Variants in POLR3E observed in about 807,000 individuals in gnomAD.
POLR3E encodes RNA polymerase III subunit E, also known as DNA-directed RNA polymerase III subunit RPC5.
Under a neutral mutation model 96.6 loss-of-function variants are expected in POLR3E, and 41 were observed. The observed-to-expected ratio is 0.42, with a 90% CI of 0.33 to 0.55. The LOEUF (loss-of-function observed/expected upper bound fraction) is 0.55. Ranked by LOEUF, POLR3E falls within the 20% of genes least tolerant of loss-of-function variation. The pLI, the probability that POLR3E is intolerant of heterozygous loss-of-function variation, is 0.06. For synonymous variants in POLR3E, 396 were observed against 383.6 expected (o/e 1.03, Z -0.38); for missense variants, 849 against 952.1 (o/e 0.89, Z 1.43).
intron 3 of POLR3E, 79 bp from the exon 4 acceptor site, chr16:22,308,069 A>G (rs2048171133): frequency 9.7e-7 from 1 of 1,030,700 alleles, no homozygotes; most frequent in Admixed American, 1.7e-5. Context: ...GCTTGGAGAT[A>G]GCTGTTGATT....
At chr16:22,317,676 T>TA (rs2048387969) in intron 12 of POLR3E, among the ~76,000 whole-genome samples, 1 of 151,592 alleles carries the variant, frequency 6.6e-6, no homozygotes, top group African/African-American at 2.4e-5. Context: ...TTTTTTTTTT[T>TA]AAGGTTTTTT....
At chr16:22,300,533 C>A (rs773293563) in intron 1 of POLR3E, among the ~76,000 whole-genome samples, 24 of 152,202 alleles carry the variant, frequency 1.6e-4, no homozygotes, top group Non-Finnish European at 3.5e-4. Flanking sequence ...CCTCCCAGGC[C>A]CCAGCCTCTC....
Position 22,308,183 on chromosome 16 carries a change from C to T in POLR3E, c.123C>T (p.Asp41=), listed in dbSNP as rs2048173813. The T allele has an allele frequency of 6.2e-7, 1 of 1,613,790 alleles. No homozygotes were observed. The highest frequency in any genetic ancestry group is 8.5e-7 in the Non-Finnish European group (1 of 1,179,754). The part of the protein sequence containing the change: ...PVRPASMTYD[D]IPHLSAKIKP... The stretch of plus-strand genomic sequence containing the variant: ...GTCCAGCCTCGATGACCTACGATGA[C>T]ATTCCGCACCTCTCAGCCAAGATCA... Residue 41 remains aspartate (D), a synonymous_variant, in exon 4 of 21, where the codon GAC becomes GAT. Transcript: ENST00000299853.
intron 6 of POLR3E, 77 bp downstream of exon 6, chr16:22,309,587 G>A (rs2048204430): frequency 9.7e-7 from 1 of 1,027,992 alleles, no homozygotes; most frequent in African/African-American, 1.6e-5. Flanking sequence ...TCCCCAGCCT[G>A]GTGTCCATCT....
At chr16:22,323,765 T>C (rs1399657483) in intron 14 of POLR3E, among the ~76,000 whole-genome samples, 1 of 152,112 alleles carries the variant, frequency 6.6e-6, no homozygotes, top group East Asian at 1.9e-4. Context: ...CCCGCTCCAG[T>C]GTGTAGACAC....
At chr16:22,304,669 G>T (rs2048098130) in intron 2 of POLR3E, among the ~76,000 whole-genome samples, 1 of 152,164 alleles carries the variant, frequency 6.6e-6, no homozygotes, top group Admixed American at 6.5e-5. Flanking sequence ...GTGGCGGGGT[G>T]GGGGTGGTTA....
intron 2 of POLR3E, 110 bp downstream of exon 2, chr16:22,303,114 A>G (rs2048061306): frequency 2.0e-6 from 2 of 1,017,532 alleles, no homozygotes; most frequent in Non-Finnish European, 1.6e-6. Flanking sequence ...GGGACCCCTA[A>G]CCCTTGCTGT....
At chr16:22,330,189 G>A (rs1217146520) in intron 19 of POLR3E, among the ~76,000 whole-genome samples, 3 of 151,970 alleles carry the variant, frequency 2.0e-5, no homozygotes, top group Middle Eastern at 3.4e-3. Context: ...TCAGCCACCC[G>A]GGTAGCTGGG....
chr16:22,310,622 T>TAAAAAAAAAAAA (rs60232148), intron 6 of POLR3E, among the ~76,000 whole-genome samples: 1 of 137,638 alleles, frequency 7.3e-6, no homozygotes. Flanking sequence ...TTAAAAAGTT[T>TAAAAAAAAAAAA]AAAAAAAAAA....
Position 22,318,517 on chromosome 16 carries a change from C to T in POLR3E, c.866-309C>T, listed in dbSNP as rs1350463728. ...ACTTCCTGGCTCTGCTACTTCCTAG[C>T]CAAGAGATCATGGGTGAGCTTTGAA... On this transcript the variant is annotated intron_variant, in intron 12 of 20. Coordinates refer to ENST00000299853, the MANE Select transcript of POLR3E (RefSeq NM_018119.4). The surrounding 1 kb of genome is among the most constrained non-coding windows in gnomAD (Gnocchi z 5.0). Among the ~76,000 whole-genome samples, 1 of 152,148 alleles carries T rather than the reference C, an allele frequency of 6.6e-6. No individual in the cohort carries two copies. The highest frequency in any genetic ancestry group is 1.5e-5 in the Non-Finnish European group (1 of 68,022).
At chr16:22,301,633 A>G (rs191194536) in intron 1 of POLR3E, among the ~76,000 whole-genome samples, 2 of 149,688 alleles carry the variant, frequency 1.3e-5, no homozygotes, top group African/African-American at 2.5e-5. Context: ...GACAAAAATC[A>G]TGCTGGTCTC....
At position 22,302,958 on chromosome 16, in the gene POLR3E, TCTC is replaced by T. The variant is rs1402100693; in HGVS notation, c.-7_-5del. On this transcript the variant is annotated 5_prime_UTR_variant, in exon 2 of 21. Transcript: ENST00000299853. The stretch of plus-strand genomic sequence containing the variant: ...CGAGCTGAAGGACTGCGCGGCTGGC[TCTC>T]CTCTAGTATGGCCAATGAAGAGGAT... The T allele has an allele frequency of 1.9e-6, 3 of 1,613,508 alleles. No individual in the cohort carries two copies. Among genetic ancestry groups the T allele is most frequent in the Middle Eastern group, 1.6e-4 (1 of 6,062 alleles).
intron 8 of POLR3E, 88 bp from the exon 9 acceptor site, chr16:22,315,001 G>A: frequency 7.0e-7 from 1 of 1,425,466 alleles, no homozygotes; most frequent in Non-Finnish European, 9.6e-7. Context: ...CCTATACGGA[G>A]TTCTCTGGTC....
intron 3 of POLR3E, among the ~76,000 whole-genome samples, chr16:22,306,666 A>T (rs1344970659): frequency 6.6e-6 from 1 of 152,248 alleles, no homozygotes; most frequent in East Asian, 1.9e-4. Flanking sequence ...GGCTATTATA[A>T]ATAATGCCAC....
chr16:22,317,638 T>TTGTTGTTGTTG (rs1567320844), intron 12 of POLR3E, among the ~76,000 whole-genome samples: 2 of 151,112 alleles, frequency 1.3e-5, no homozygotes, highest in African/African-American at 4.9e-5. Context: ...CTAGGGGCTT[T>TTGTTGTTGTTG]TTGTTGTTGT....
chr16:22,333,883 AAGTTAGTTAG>A lies in POLR3E; in HGVS notation c.*185_*194del, dbSNP rs996956439. 1 of 547,228 alleles carries A rather than the reference AAGTTAGTTAG, an allele frequency of 1.8e-6. No homozygotes were observed. Among genetic ancestry groups the A allele is most frequent in the African/African-American group, 1.9e-5 (1 of 53,344 alleles). The allele number at this position is 547,228 out of a possible 1,614,324, so 33.9% of individuals were successfully genotyped here. Reference sequence around the variant, plus strand: ...CCTCAGCCAGTCGCAGGGTCAGCTTAAGTTAGTTAGATCACTCCCAGAAGAGACCAGCTGG... The same window carrying A: ...CCTCAGCCAGTCGCAGGGTCAGCTTAATCACTCCCAGAAGAGACCAGCTGG... On this transcript the variant is annotated 3_prime_UTR_variant, in exon 21 of 21. Coordinates refer to ENST00000299853, the MANE Select transcript of POLR3E (RefSeq NM_018119.4).
In POLR3E at chr16:22,322,734, A is replaced by G; in HGVS notation, c.987-116A>G. On this transcript the variant is annotated intron_variant, in intron 13 of 20. Coordinates refer to ENST00000299853, the MANE Select transcript of POLR3E (RefSeq NM_018119.4). This position sits in a 1 kb window ranked among gnomAD's most constrained non-coding sequence, Gnocchi z 5.2. Reference sequence around the variant, plus strand: ...CTCCTAAGGGGAGGTCTTGGGGCTCAGGCCTGTACCCAGCCCACGGTGGAA... The same window carrying G: ...CTCCTAAGGGGAGGTCTTGGGGCTCGGGCCTGTACCCAGCCCACGGTGGAA... 1 of 679,752 alleles carries G rather than the reference A, an allele frequency of 1.5e-6. No individual in the cohort carries two copies. Among genetic ancestry groups the G allele is most frequent in the Non-Finnish European group, 2.6e-6 (1 of 386,264 alleles). The allele number at this position is 679,752 out of a possible 1,614,324, so 42.1% of individuals were successfully genotyped here.
chr16:22,331,932 G>C, intron 19 of POLR3E, 128 bp from the exon 20 acceptor site: 1 of 861,652 alleles, frequency 1.2e-6, no homozygotes. Flanking sequence ...TTTAACCAGA[G>C]GTGCTGCGTG....
chr16:22,325,264 C>T lies in POLR3E; in HGVS notation c.1346C>T (p.Ser449Leu). 1 of 1,612,952 alleles carries T rather than the reference C, an allele frequency of 6.2e-7. No individual in the cohort carries two copies. The highest frequency in any genetic ancestry group is 8.5e-7 in the Non-Finnish European group (1 of 1,178,954). Residue 449 changes from serine (S) to leucine (L), a missense_variant and splice_region_variant, in exon 17 of 21, where the codon TCA becomes TTA. By Grantham distance (145) the Ser-to-Leu change is moderately radical. Transcript: ENST00000299853. ...ETMPKKPDAQ[S>L]GPAGLVCGDQ... ...ATGCCAAAGAAGCCGGATGCACAAT[C>T]AGGTGTGTGAGGGGCTTTGGGCTGG...
Sources: gnomAD v4.1 joint callset for allele counts (sites outside exome capture counted in the v4.1 genomes callset) on GRCh38, gnomAD v4.1.1 for gene constraint, Gnocchi (gnomAD v3.1) non-coding constraint, MANE v1.5 for transcripts, NCBI Gene and HGNC (gene_info 2026-07-23, HGNC 2026-07-21) for gene names.